Variants in MAPK10 observed in about 807,000 individuals in gnomAD.
MAPK10 encodes the protein mitogen-activated protein kinase 10, also known as JNK3 alpha protein kinase.
MAPK10 carries 25 observed loss-of-function variants against 59.3 expected under a neutral mutation model. That is an observed-to-expected ratio of 0.42 (90% CI 0.31 to 0.59). The LOEUF is 0.59. Ranked by LOEUF, MAPK10 falls within the 20% of genes least tolerant of loss-of-function variation. The pLI is 0.15. For missense variants in MAPK10, 351 were observed against 568.9 expected (o/e 0.62, Z 3.90); for synonymous variants, 190 against 200.5 (o/e 0.95, Z 0.44).
intron 11 of MAPK10, among the ~76,000 whole-genome samples, chr4:86,060,158 TTCCTTTTAG>T (rs1421480742): frequency 6.6e-6 from 1 of 152,220 alleles, no homozygotes; most frequent in Non-Finnish European, 1.5e-5. Flanking sequence ...GTCTAGCTCC[TTCCTTTTAG>T]TCAAGAATTG....
chr4:86,355,894 CTT>C (rs994485889), intron 1 of MAPK10, among the ~76,000 whole-genome samples: 150 of 152,300 alleles, frequency 9.8e-4, no homozygotes, highest in Middle Eastern at 3.4e-3. Flanking sequence ...AGGACAATTG[CTT>C]TAAGCAATCC....
intron 1 of MAPK10, among the ~76,000 whole-genome samples, chr4:86,478,958 C>T (rs1015731458): frequency 2.6e-5 from 4 of 152,142 alleles, no homozygotes; most frequent in African/African-American, 9.7e-5. Context: ...ATTATTCAGG[C>T]CCCCTCCCTT....
chr4:86,488,837 C>T (rs1363955273), intron 1 of MAPK10, among the ~76,000 whole-genome samples: 5 of 152,172 alleles, frequency 3.3e-5, no homozygotes, highest in Non-Finnish European at 7.3e-5. Flanking sequence ...GTAAAAATAA[C>T]CTCAGATTCT....
intron 11 of MAPK10, among the ~76,000 whole-genome samples, chr4:86,051,819 A>C (rs950747911): frequency 6.6e-6 from 1 of 152,166 alleles, no homozygotes; most frequent in Admixed American, 6.6e-5. Flanking sequence ...TGCAATGCAC[A>C]ACATAACCAC....
chr4:86,284,864 G>C (rs1387398239), intron 2 of MAPK10, among the ~76,000 whole-genome samples: 1 of 152,156 alleles, frequency 6.6e-6, no homozygotes, highest in Admixed American at 6.5e-5. Context: ...TTGTGAGTAG[G>C]TATAGATCTT....
chr4:86,289,505 G>T (rs2148818013), intron 2 of MAPK10, among the ~76,000 whole-genome samples: 1 of 151,568 alleles, frequency 6.6e-6, no homozygotes, highest in South Asian at 2.1e-4. Flanking sequence ...AATATTTTCA[G>T]TTATAGCATT....
intron 11 of MAPK10, among the ~76,000 whole-genome samples, chr4:86,047,489 T>C (rs1193154519): frequency 1.3e-5 from 2 of 152,126 alleles, no homozygotes; most frequent in African/African-American, 4.8e-5. Flanking sequence ...ATCAGAAAAG[T>C]AGGCAGGAGC....
chr4:86,115,912 G>A (rs2058232649), intron 4 of MAPK10, among the ~76,000 whole-genome samples: 1 of 152,184 alleles, frequency 6.6e-6, no homozygotes, highest in South Asian at 2.1e-4. Context: ...CTGTGCTTGT[G>A]TTTGTTCTTT....
chr4:86,593,961 G>C (rs1763326508), exon 1 of MAPK10: 1 of 152,218 alleles, frequency 6.6e-6, no homozygotes, highest in Non-Finnish European at 1.5e-5. Context: ...TGATTCTGAA[G>C]TTAGAAGTGT....
intron 9 of MAPK10, among the ~76,000 whole-genome samples, chr4:86,073,207 G>T (rs2048414364): frequency 7.8e-6 from 1 of 128,410 alleles, no homozygotes; most frequent in African/African-American, 2.9e-5. Context: ...TTCTCTGATG[G>T]TAGTTTGTAT....
chr4:86,208,050 A>T (rs1045679279), intron 2 of MAPK10, among the ~76,000 whole-genome samples: 1 of 152,132 alleles, frequency 6.6e-6, no homozygotes, highest in Non-Finnish European at 1.5e-5. Context: ...GAAGAAGTTG[A>T]ATCTCTGAAT....
chr4:86,029,416 C>T, intron 12 of MAPK10, 142 bp from the exon 13 acceptor site: 1 of 610,814 alleles, frequency 1.6e-6, no homozygotes, highest in Non-Finnish European at 2.9e-6. Flanking sequence ...TGCTCTATTT[C>T]TATTTCTATA....
intron 1 of MAPK10, among the ~76,000 whole-genome samples, chr4:86,552,854 G>GTGATACTGA (rs1759963020): frequency 6.6e-6 from 1 of 152,118 alleles, no homozygotes; most frequent in South Asian, 2.1e-4. Context: ...CCTATGCTCA[G>GTGATACTGA]GGTCCCTCAG....
intron 2 of MAPK10, among the ~76,000 whole-genome samples, chr4:86,233,114 G>C (rs1040173017): frequency 1.3e-5 from 2 of 152,178 alleles, no homozygotes; most frequent in African/African-American, 4.8e-5. Flanking sequence ...TAGATGTCTT[G>C]CCCAGGGTCG....
chr4:86,049,100 T>C lies in MAPK10; in HGVS notation c.1110+15166A>G, dbSNP rs77731184. The stretch of plus-strand genomic sequence containing the variant: ...ATGTTTATCAGAAAGAAAGTGGTGC[T>C]CTGAGGAGAGGGAGATGGGGAACAG... On this transcript the variant is annotated intron_variant, in intron 11 of 13. Transcript: ENST00000641462. 3.6e-4 allele frequency among the ~76,000 whole-genome samples: 55 copies of C among 152,176 alleles called. No individual in the cohort carries two copies. The East Asian group carries it at 7.0e-3, about 19-fold the overall frequency.
intron 2 of MAPK10, among the ~76,000 whole-genome samples, chr4:86,351,009 T>C (rs997555021): frequency 6.6e-6 from 1 of 152,130 alleles, no homozygotes; most frequent in African/African-American, 2.4e-5. Context: ...ATTCTTAACC[T>C]GACACTTAGA....
chr4:86,554,108 A>AC (rs1760076918), intron 1 of MAPK10, among the ~76,000 whole-genome samples: 1 of 152,026 alleles, frequency 6.6e-6, no homozygotes, highest in African/African-American at 2.4e-5. Flanking sequence ...TGGGCCTTTA[A>AC]CGGGAAAGAT....
At chr4:86,036,591 T>C (rs2040356145) in intron 11 of MAPK10, among the ~76,000 whole-genome samples, 1 of 152,194 alleles carries the variant, frequency 6.6e-6, no homozygotes, top group South Asian at 2.1e-4. Flanking sequence ...GTCATATAGC[T>C]AATTAATGAT....
chr4:86,405,965 G>A (rs1744311299), intron 1 of MAPK10, among the ~76,000 whole-genome samples: 1 of 152,136 alleles, frequency 6.6e-6, no homozygotes, highest in African/African-American at 2.4e-5. Context: ...AGAAGAAACA[G>A]GTAAGAAAGA....
Sources: gnomAD v4.1 joint callset for allele counts (sites outside exome capture counted in the v4.1 genomes callset) on GRCh38, gnomAD v4.1.1 for gene constraint, MANE v1.5 for transcripts, NCBI Gene and HGNC (gene_info 2026-07-23, HGNC 2026-07-21) for gene names.